GRID2: variants seen among roughly 807,000 people sequenced by gnomAD.
GRID2 encodes the protein glutamate ionotropic receptor delta type subunit 2.
A neutral mutation model predicts 114.8 loss-of-function variants in GRID2; 33 were observed. The observed-to-expected ratio is 0.29, with a 90% CI of 0.22 to 0.38. The LOEUF (loss-of-function observed/expected upper bound fraction) is 0.38. Ranked by LOEUF, GRID2 falls within the 10% of genes least tolerant of loss-of-function variation. GRID2 has a pLI of 1.00. For missense variants in GRID2, 1,184 were observed against 1,257.7 expected, an observed-to-expected ratio of 0.94 and a Z score of 0.89; for synonymous variants, 505 against 449.9, an observed-to-expected ratio of 1.12 and a Z score of -1.55.
Position 92,365,807 on chromosome 4 carries a change from A to C in GRID2, c.88+61063A>C, listed in dbSNP as rs1314842531. Among the ~76,000 whole-genome samples the C allele has an allele frequency of 3.3e-5, 5 of 152,050 alleles. No homozygotes were observed. The East Asian group carries it at 9.7e-4, about 29-fold the overall frequency. On this transcript the variant is annotated intron_variant, in intron 1 of 15. Coordinates refer to ENST00000282020, the MANE Select transcript of GRID2 (RefSeq NM_001510.4). ...TATTAACCAAAAATAAATAATCAGC[A>C]TATAATAGTGCTTAAGATGGGTGAT...
intron 3 of GRID2, among the ~76,000 whole-genome samples, chr4:93,087,728 T>C (rs1730452851): frequency 6.6e-6 from 1 of 152,176 alleles, no homozygotes; most frequent in Non-Finnish European, 1.5e-5. Context: ...ATATTTCTGC[T>C]TCTATCACTA....
chr4:93,129,315 T>C (rs1342580629), intron 4 of GRID2, among the ~76,000 whole-genome samples: 1 of 152,218 alleles, frequency 6.6e-6, no homozygotes, highest in African/African-American at 2.4e-5. Context: ...TTCCTGGCAA[T>C]GTCCTCCAAC....
At chr4:92,875,017 T>C (rs1398652592) in intron 2 of GRID2, among the ~76,000 whole-genome samples, 1 of 152,196 alleles carries the variant, frequency 6.6e-6, no homozygotes, top group African/African-American at 2.4e-5. Context: ...TAACATTTTG[T>C]TTTGTAATTA....
chr4:93,594,307 C>T, intron 13 of GRID2, among the ~76,000 whole-genome samples: 1 of 152,040 alleles, frequency 6.6e-6, no homozygotes, highest in Non-Finnish European at 1.5e-5. Flanking sequence ...GTTGGAGTAC[C>T]CTGCAGTGTG....
intron 7 of GRID2, among the ~76,000 whole-genome samples, chr4:93,226,366 T>A (rs2149494172): frequency 6.6e-6 from 1 of 152,280 alleles, no homozygotes; most frequent in East Asian, 1.9e-4. Context: ...GGGACAGTCA[T>A]AGGATAGACA....
intron 1 of GRID2, among the ~76,000 whole-genome samples, chr4:92,586,391 CACAT>C (rs1318189423): frequency 1.1e-3 from 143 of 135,974 alleles, no homozygotes; most frequent in African/African-American, 3.6e-3. Context: ...CACACACACA[CACAT>C]ACACACACAC....
At chr4:93,039,794 GTACATGGGTTAA>G (rs1331632781) in intron 2 of GRID2, among the ~76,000 whole-genome samples, 1 of 152,132 alleles carries the variant, frequency 6.6e-6, no homozygotes, top group Non-Finnish European at 1.5e-5. Flanking sequence ...TTTCTCATCT[GTACATGGGTTAA>G]TAACAATACT....
chr4:93,355,954 A>G (rs923154548), intron 8 of GRID2, among the ~76,000 whole-genome samples: 2 of 152,030 alleles, frequency 1.3e-5, no homozygotes, highest in African/African-American at 4.8e-5. Flanking sequence ...TGGTGCCCTC[A>G]TTAATTATTA....
chr4:93,518,072 C>CATATAT lies in GRID2; in HGVS notation c.2193+2667_2193+2672dup, dbSNP rs151188704. Among the ~76,000 whole-genome samples, 151 of 138,696 alleles carry CATATAT rather than the reference C, an allele frequency of 1.1e-3. 1 individual carries two copies. The highest frequency in any genetic ancestry group is 3.5e-3 in the African/African-American group (131 of 37,062). 91.0% of individuals were successfully genotyped at this position (138,696 alleles called of 152,430 possible). A position where few individuals can be genotyped will look rare whatever the true frequency, so the allele number is the denominator to read the frequency against. On this transcript the variant is annotated intron_variant, in intron 13 of 15. Transcript: ENST00000282020. ...ATACTATATATGTATATAGTATATA[C>CATATAT]ATATATATATACACACACTATATAT...
At chr4:92,783,801 G>C (rs1003325891) in intron 2 of GRID2, among the ~76,000 whole-genome samples, 1 of 151,890 alleles carries the variant, frequency 6.6e-6, no homozygotes, top group Non-Finnish European at 1.5e-5. Context: ...AGGGAGGGTT[G>C]CTTTAGCCCA....
chr4:93,772,658 C>A lies in GRID2; in HGVS notation c.*160C>A, dbSNP rs374764542. 1.7e-4 allele frequency: 94 copies of A among 564,878 alleles called. No individual in the cohort carries two copies. The highest frequency in any genetic ancestry group is 1.3e-3 in the African/African-American group (71 of 53,220). The allele number at this position is 564,878 out of a possible 1,614,324, so 35.0% of individuals were successfully genotyped here. On this transcript the variant is annotated 3_prime_UTR_variant, in exon 16 of 16. Transcript: ENST00000282020. ...CTCCCACCTTCTCCCTCTCCTCTCTCCTCTATGATTTTCTCTCTTTCCCCC... is the reference window on the plus strand; with the variant it reads ...CTCCCACCTTCTCCCTCTCCTCTCTACTCTATGATTTTCTCTCTTTCCCCC...
chr4:92,349,038 G>T (rs995440947), intron 1 of GRID2, among the ~76,000 whole-genome samples: 2 of 151,750 alleles, frequency 1.3e-5, no homozygotes, highest in Non-Finnish European at 2.9e-5. Context: ...ATGATTAATT[G>T]TAATGGGAAG....
chr4:92,495,589 T>C (rs572708540), intron 1 of GRID2, among the ~76,000 whole-genome samples: 19 of 151,902 alleles, frequency 1.3e-4, no homozygotes, highest in Non-Finnish European at 2.1e-4. Flanking sequence ...GTAGGCAAGA[T>C]TGAATGAGAT....
At chr4:92,367,928 A>ACC (rs1728949969) in intron 1 of GRID2, among the ~76,000 whole-genome samples, 1 of 151,984 alleles carries the variant, frequency 6.6e-6, no homozygotes, top group African/African-American at 2.4e-5. Context: ...AGCACCCTGG[A>ACC]CCCCACTGAC....
At chr4:92,702,779 T>C (rs1156673686) in intron 2 of GRID2, 2 of 152,148 alleles carry the variant, frequency 1.3e-5, no homozygotes, top group Non-Finnish European at 2.9e-5. Flanking sequence ...AATACCTTTT[T>C]GGGTATTATA....
chr4:92,709,984 A>G lies in GRID2; in HGVS notation c.244+119698A>G, dbSNP rs879619997. 6.6e-5 allele frequency among the ~76,000 whole-genome samples: 10 copies of G among 152,184 alleles called. No individual in the cohort carries two copies. The East Asian group carries it at 1.7e-3, about 26-fold the overall frequency. On this transcript the variant is annotated intron_variant, in intron 2 of 15. Transcript: ENST00000282020. Reference sequence around the variant, plus strand: ...TTCCAACTGCAGTTTGGAAAAATACAAATTTGATTATCTAAAATTTGAAAG... The same window carrying G: ...TTCCAACTGCAGTTTGGAAAAATACGAATTTGATTATCTAAAATTTGAAAG...
intron 2 of GRID2, among the ~76,000 whole-genome samples, chr4:93,040,981 C>T (rs1273275064): frequency 6.6e-6 from 1 of 151,936 alleles, no homozygotes; most frequent in Non-Finnish European, 1.5e-5. Context: ...CATATGAAAA[C>T]CTGAAACTGT....
chr4:92,535,409 C>T (rs915783787), intron 1 of GRID2, among the ~76,000 whole-genome samples: 3 of 152,100 alleles, frequency 2.0e-5, no homozygotes, highest in Non-Finnish European at 4.4e-5. Flanking sequence ...ATGGAAACAA[C>T]TATCTTTATT....
At chr4:93,594,242 T>G (rs1167590281) in intron 13 of GRID2, among the ~76,000 whole-genome samples, 1 of 152,038 alleles carries the variant, frequency 6.6e-6, no homozygotes, top group Non-Finnish European at 1.5e-5. Flanking sequence ...GGTGTGGATG[T>G]CCTTTCTGTT....
Sources: gnomAD v4.1 joint callset for allele counts (sites outside exome capture counted in the v4.1 genomes callset) on GRCh38, gnomAD v4.1.1 for gene constraint, MANE v1.5 for transcripts, NCBI Gene and HGNC (gene_info 2026-07-23, HGNC 2026-07-21) for gene names.